The following ANKRD33B variants were observed in gnomAD, a reference collection of about 807,000 sequenced individuals.
ANKRD33B encodes ankyrin repeat domain-containing protein 33B.
In ANKRD33B, 6 loss-of-function variants were observed where a neutral mutation model predicts 21.5. The ratio of observed to expected loss-of-function variants is 0.28; its 90% CI spans 0.15 to 0.55. The LOEUF (loss-of-function observed/expected upper bound fraction) is 0.55, where lower values mean the gene tolerates loss of function less well. Ranked by LOEUF, ANKRD33B falls within the 20% of genes least tolerant of loss-of-function variation. ANKRD33B has a pLI of 0.94. For missense variants in ANKRD33B, 698 were observed against 747.2 expected, an observed-to-expected ratio of 0.93 and a Z score of 0.77; for synonymous variants, 347 against 342.4, an observed-to-expected ratio of 1.01 and a Z score of -0.15.
intron 1 of ANKRD33B, among the ~76,000 whole-genome samples, chr5:10,573,550 AAT>A (rs1735249390): frequency 6.6e-6 from 1 of 152,200 alleles, no homozygotes; most frequent in South Asian, 2.1e-4. Context: ...GCTGTAAAGA[AAT>A]AAAGAACTGC....
At position 10,650,620 on chromosome 5, in the gene ANKRD33B, G is replaced by A. The variant is rs77516778; in HGVS notation, c.*507G>A. ...GGATTCTCCCCTTTTTGGCTGTTTG[G>A]TCTTTTCTCCTCATCGTGGGTGTAG... On this transcript the variant is annotated 3_prime_UTR_variant, in exon 4 of 4. Transcript: ENST00000296657. 6.6e-6 allele frequency: 1 copy of A among 152,200 alleles called. No individual in the cohort carries two copies. The highest frequency in any genetic ancestry group is 2.4e-5 in the African/African-American group (1 of 41,374). 9.4% of individuals were successfully genotyped at this position (152,200 alleles called of 1,614,324 possible).
chr5:10,590,607 C>T (rs11950637), intron 1 of ANKRD33B, among the ~76,000 whole-genome samples: 17,983 of 84,100 alleles, frequency 0.21, 1,135 homozygotes, highest in African/African-American at 0.26. Flanking sequence ...CGCGCGCGCG[C>T]GTGTGTGTGT....
chr5:10,604,996 G>A (rs1411620806), intron 1 of ANKRD33B, among the ~76,000 whole-genome samples: 2 of 152,224 alleles, frequency 1.3e-5, no homozygotes, highest in African/African-American at 4.8e-5. Context: ...GTTGCAGTGG[G>A]ATGCTGGCTG....
At chr5:10,648,162 G>A (rs972305953) in intron 3 of ANKRD33B, among the ~76,000 whole-genome samples, 5 of 66,064 alleles carry the variant, frequency 7.6e-5, no homozygotes, top group African/African-American at 2.6e-4. Context: ...AGGATGAAAC[G>A]TGTTGAGCAA....
chr5:10,613,162 G>GCTT (rs910341691), intron 1 of ANKRD33B, among the ~76,000 whole-genome samples: 1 of 152,054 alleles, frequency 6.6e-6, no homozygotes. Context: ...GTGGGCTCCC[G>GCTT]CTTCTTCTTC....
At chr5:10,588,096 T>C (rs1735607781) in intron 1 of ANKRD33B, among the ~76,000 whole-genome samples, 1 of 152,236 alleles carries the variant, frequency 6.6e-6, no homozygotes, top group Admixed American at 6.5e-5. Context: ...ACGGCTTTGC[T>C]GATCTTCAAA....
intron 1 of ANKRD33B, among the ~76,000 whole-genome samples, chr5:10,592,048 C>G (rs558388107): frequency 6.9e-6 from 1 of 144,280 alleles, no homozygotes; most frequent in South Asian, 2.3e-4. Flanking sequence ...CTTTTTAGTC[C>G]TTTTGTATTA....
In ANKRD33B at chr5:10,655,008, A is replaced by C. The variant is rs1165610470; in HGVS notation, c.*4895A>C. The C allele has an allele frequency of 6.6e-6, 1 of 152,384 alleles. No individual in the cohort carries two copies. Among genetic ancestry groups the C allele is most frequent in the East Asian group, 1.9e-4 (1 of 5,334 alleles). The allele number at this position is 152,384 out of a possible 1,614,324, so 9.4% of individuals were successfully genotyped here. ...CCTGACAGACTCCTGGCAGCACTGG[A>C]GACCTCAGGACTATGGAGATCAGAA... On this transcript the variant is annotated 3_prime_UTR_variant, in exon 4 of 4. Transcript: ENST00000296657.
At chr5:10,593,819 AC>A (rs200158824) in intron 1 of ANKRD33B, among the ~76,000 whole-genome samples, 2,027 of 136,754 alleles carry the variant, frequency 0.015, 28 homozygotes, top group African/African-American at 0.034. Context: ...ACTTACCCTC[AC>A]CCCCTCATGA....
At chr5:10,598,699 C>T (rs1030302679) in intron 1 of ANKRD33B, among the ~76,000 whole-genome samples, 1 of 152,088 alleles carries the variant, frequency 6.6e-6, no homozygotes. Flanking sequence ...TCTCAGCCTC[C>T]CAAAGTTCTG....
At chr5:10,643,586 C>T (rs545178078) in intron 3 of ANKRD33B, among the ~76,000 whole-genome samples, 16 of 152,002 alleles carry the variant, frequency 1.1e-4, no homozygotes, top group African/African-American at 3.1e-4. Context: ...GAGGCTGAGG[C>T]GGGTGGATCA....
intron 1 of ANKRD33B, among the ~76,000 whole-genome samples, chr5:10,581,875 A>G (rs939860829): frequency 7.2e-5 from 11 of 151,996 alleles, no homozygotes; most frequent in African/African-American, 2.2e-4. Context: ...AGCCCCCACA[A>G]TCTCATGAGC....
chr5:10,599,113 C>T (rs1735878518), intron 1 of ANKRD33B, among the ~76,000 whole-genome samples: 1 of 152,216 alleles, frequency 6.6e-6, no homozygotes, highest in Non-Finnish European at 1.5e-5. Context: ...ATTTCTGTCA[C>T]CATGGATTAG....
At chr5:10,613,661 G>A (rs908318171) in intron 1 of ANKRD33B, among the ~76,000 whole-genome samples, 3 of 152,050 alleles carry the variant, frequency 2.0e-5, no homozygotes, top group Non-Finnish European at 4.4e-5. Context: ...AGCACTTTGG[G>A]AGGCCAAGGA....
In ANKRD33B at chr5:10,572,822, A is replaced by G. The variant is rs140499981; in HGVS notation, c.366+7989A>G. Among the ~76,000 whole-genome samples the G allele has an allele frequency of 1.4e-3, 213 of 152,290 alleles. 1 individual carries two copies. The highest frequency in any genetic ancestry group is 4.9e-3 in the African/African-American group (204 of 41,556). On this transcript the variant is annotated intron_variant, in intron 1 of 3. Transcript: ENST00000296657. ...GGGCCTCCCTGTCCATGCCTCTCCC[A>G]GCTGGAATGTCCCTTGCCAGAAGTG... is the stretch of plus-strand genomic sequence containing the variant.
rs963197312 is a variant in ANKRD33B, at chr5:10,652,643, T to G, written c.*2530T>G. The G allele has an allele frequency of 6.3e-6, 1 of 159,276 alleles. No homozygotes were observed. The highest frequency in any genetic ancestry group is 1.4e-5 in the Non-Finnish European group (1 of 71,304). 9.9% of individuals were successfully genotyped at this position (159,276 alleles called of 1,614,324 possible). A position where few individuals can be genotyped will look rare whatever the true frequency, so the allele number is the denominator to read the frequency against. The stretch of plus-strand genomic sequence containing the variant: ...CCAGCTGCTACCTCACCACAACCCA[T>G]GCTCAGAGTTGTCAGGGATGCGTGG... On this transcript the variant is annotated 3_prime_UTR_variant, in exon 4 of 4. Transcript: ENST00000296657. This position sits in a 1 kb window ranked among gnomAD's most constrained non-coding sequence, Gnocchi z 4.1.
rs1209120354 is a variant in ANKRD33B at position 10,564,482 on chromosome 5, C to T, written c.15C>T (p.Ala5=). ...CGGCCGCCGGCATGGTGCTGCTGGC[C>T]GGGACCGGGCCGGAGGGCGGCGGGG... MVLL[A]GTGPEGGGAR... The change falls in exon 1 of 4, where the codon GCC becomes GCT. Residue 5 remains alanine (A), a synonymous_variant. Coordinates refer to ENST00000296657, the MANE Select transcript of ANKRD33B (RefSeq NM_001164440.2). 4.7e-6 allele frequency: 7 copies of T among 1,479,868 alleles called. 1 individual carries two copies. The African/African-American group carries it at 7.1e-5, about 15-fold the overall frequency. 91.7% of individuals were successfully genotyped at this position (1,479,868 alleles called of 1,614,324 possible).
At chr5:10,603,493 C>T (rs905335797) in intron 1 of ANKRD33B, among the ~76,000 whole-genome samples, 1 of 151,976 alleles carries the variant, frequency 6.6e-6, no homozygotes, top group Non-Finnish European at 1.5e-5. Context: ...GAACTCCTGA[C>T]CTCAGATGAT....
chr5:10,635,832 T>C lies in ANKRD33B; in HGVS notation c.497-2196T>C, dbSNP rs544066846. Among the ~76,000 whole-genome samples, 9 of 150,962 alleles carry C rather than the reference T, an allele frequency of 6.0e-5. No homozygotes were observed. The South Asian group carries it at 1.9e-3, about 32-fold the overall frequency. On this transcript the variant is annotated intron_variant, in intron 2 of 3. Coordinates refer to ENST00000296657, the MANE Select transcript of ANKRD33B (RefSeq NM_001164440.2). ...CTGGGGAGACAGAAGCCACTTGATA[T>C]ATCGGAGGGTTTCATATTGGATTTG...
Sources: allele counts gnomAD v4.1 joint callset (sites outside exome capture counted in the v4.1 genomes callset), GRCh38; gene constraint gnomAD v4.1.1; non-coding constraint Gnocchi (gnomAD v3.1); transcripts MANE v1.5; gene names NCBI Gene and HGNC (gene_info 2026-07-23, HGNC 2026-07-21).